RAPGEF1: variants seen among roughly 807,000 people sequenced by gnomAD.
The protein encoded by RAPGEF1 is Rap guanine nucleotide exchange factor 1, also known as CRK SH3-binding GNRP.
In RAPGEF1, 33 loss-of-function variants were observed where a neutral mutation model predicts 143.3. The ratio of observed to expected loss-of-function variants is 0.23; its 90% CI spans 0.17 to 0.31. The LOEUF is 0.31. RAPGEF1 is among the 10% of genes least tolerant of loss of function. The pLI is 1.00. For synonymous variants in RAPGEF1, 629 were observed against 676.5 expected (o/e 0.93, Z 1.09); for missense variants, 1,199 against 1,645.4 (o/e 0.73, Z 4.69).
chr9:131,685,511 G>C (rs1247306827), intron 1 of RAPGEF1, among the ~76,000 whole-genome samples: 1 of 152,198 alleles, frequency 6.6e-6, no homozygotes, highest in Non-Finnish European at 1.5e-5. Context: ...TAACATGAGC[G>C]ATCTGTGCCA....
intron 5 of RAPGEF1, among the ~76,000 whole-genome samples, chr9:131,636,299 A>C (rs534118063): frequency 6.6e-6 from 1 of 152,390 alleles, no homozygotes; most frequent in South Asian, 2.1e-4. Flanking sequence ...TGAATAAATG[A>C]AACAAAACTG....
intron 9 of RAPGEF1, among the ~76,000 whole-genome samples, chr9:131,626,679 G>A (rs11790737): frequency 0.21 from 31,972 of 151,624 alleles, 4,116 homozygotes; most frequent in Non-Finnish European, 0.29. Flanking sequence ...CAACCATTAC[G>A]GAAACTGTGG....
chr9:131,697,782 C>T (rs1834302790), intron 1 of RAPGEF1, among the ~76,000 whole-genome samples: 2 of 152,204 alleles, frequency 1.3e-5, no homozygotes, highest in African/African-American at 4.8e-5. Context: ...ATTTTGGATT[C>T]TGCTCTTGGA....
Position 131,584,612 on chromosome 9 carries a change from G to C in RAPGEF1, c.3234-16C>G. The C allele has an allele frequency of 6.2e-7, 1 of 1,613,436 alleles. No individual in the cohort carries two copies. ...GGACCGGACCCTGCATGGACCAAGG[G>C]AAAAAGAAACAGCTGAGTTGACAAG... On this transcript the variant is annotated splice_polypyrimidine_tract_variant and intron_variant, in intron 22 of 26. Coordinates refer to ENST00000683357, the MANE Select transcript of RAPGEF1 (RefSeq NM_001377935.1). This position sits in a 1 kb window ranked among gnomAD's most constrained non-coding sequence, Gnocchi z 6.8.
intron 16 of RAPGEF1, 99 bp from the exon 17 acceptor site, chr9:131,596,472 G>A: frequency 8.5e-7 from 1 of 1,182,016 alleles, no homozygotes; most frequent in Non-Finnish European, 1.2e-6. Context: ...AAAATGCCCT[G>A]CAACCCCAAG....
rs559329923 is a variant in RAPGEF1, at chr9:131,611,861, A to C, written c.2062-6673T>G. 6.5e-4 allele frequency among the ~76,000 whole-genome samples: 99 copies of C among 152,302 alleles called. 2 individuals carry two copies. In the South Asian group the frequency reaches 0.019, roughly 29 times the overall value. ...GATCTCAAAATTTATTTGGCAATTA[A>C]GCAGTTCAAAAATGGGCAATTAAGC... On this transcript the variant is annotated intron_variant, in intron 12 of 26. Transcript: ENST00000683357.
Position 131,628,454 on chromosome 9 carries a change from T to C in RAPGEF1, c.1017+95A>G. 6.6e-7 allele frequency: 1 copy of C among 1,506,742 alleles called. No individual in the cohort carries two copies. 93.3% of individuals were successfully genotyped at this position (1,506,742 alleles called of 1,614,324 possible). ...CCTCGATGTGACAAACACCAGCGCC[T>C]GAAGACCATGGGTTTCTTTCAGCTT... On this transcript the variant is annotated intron_variant, in intron 8 of 26. Transcript: ENST00000683357. The surrounding 1 kb of genome is among the most constrained non-coding windows in gnomAD (Gnocchi z 5.7).
intron 1 of RAPGEF1, among the ~76,000 whole-genome samples, chr9:131,690,916 G>A (rs1415995210): frequency 6.6e-6 from 1 of 152,218 alleles, no homozygotes; most frequent in Non-Finnish European, 1.5e-5. Context: ...TCTGATGCTT[G>A]TCTCAATGCT....
At chr9:131,615,834 C>T (rs1404917461) in intron 12 of RAPGEF1, among the ~76,000 whole-genome samples, 27 of 152,156 alleles carry the variant, frequency 1.8e-4, no homozygotes, top group Non-Finnish European at 2.9e-5. Flanking sequence ...CCAGCCCCCA[C>T]GACCCTGTCC....
chr9:131,688,817 G>C (rs557618997), intron 1 of RAPGEF1, among the ~76,000 whole-genome samples: 62 of 152,318 alleles, frequency 4.1e-4, no homozygotes, highest in Non-Finnish European at 7.2e-4. Flanking sequence ...AGAATCACTC[G>C]AACCCGGGAG....
At chr9:131,586,663 CA>C (rs1588191123) in intron 22 of RAPGEF1, among the ~76,000 whole-genome samples, 3 of 135,450 alleles carry the variant, frequency 2.2e-5, no homozygotes, top group East Asian at 2.1e-4. Context: ...CACACACACA[CA>C]CACACCCCTG....
chr9:131,720,129 G>A (rs913351344), intron 1 of RAPGEF1, among the ~76,000 whole-genome samples: 6 of 151,982 alleles, frequency 3.9e-5, no homozygotes, highest in Admixed American at 3.3e-4. Flanking sequence ...CAGGTGATCC[G>A]CCCACCTTGG....
chr9:131,721,419 T>C (rs1836256494), intron 1 of RAPGEF1, among the ~76,000 whole-genome samples: 1 of 151,990 alleles, frequency 6.6e-6, no homozygotes, highest in African/African-American at 2.4e-5. Flanking sequence ...AGAAGAGAGG[T>C]GCATTGACAA....
At chr9:131,625,354 A>G (rs1962643343) in intron 10 of RAPGEF1, among the ~76,000 whole-genome samples, 1 of 152,214 alleles carries the variant, frequency 6.6e-6, no homozygotes, top group Admixed American at 6.5e-5. Context: ...AAAATATTCA[A>G]AACTTCAGCT....
At chr9:131,736,467 C>A (rs766351518) in intron 1 of RAPGEF1, among the ~76,000 whole-genome samples, 53 of 152,348 alleles carry the variant, frequency 3.5e-4, no homozygotes, top group Middle Eastern at 3.4e-3. Context: ...AGGCCTATGA[C>A]CTTGTGTATT....
chr9:131,630,391 G>GC, intron 5 of RAPGEF1, 67 bp from the exon 6 acceptor site: 1 of 1,502,622 alleles, frequency 6.7e-7, no homozygotes, highest in Admixed American at 1.7e-5. Context: ...CAGAAGGCAG[G>GC]CAGGTGCTGT....
In RAPGEF1 at chr9:131,632,349, G is replaced by A. The variant is rs372606798; in HGVS notation, c.652-2025C>T. Among the ~76,000 whole-genome samples, 98 of 145,548 alleles carry A rather than the reference G, an allele frequency of 6.7e-4. 1 individual carries two copies. The highest frequency in any genetic ancestry group is 2.8e-3 in the East Asian group (14 of 5,022). ...AGAGACGGGGTTTCACCGTGGTCTC[G>A]ATCTCCTGACCTCGTGATCCGCCCG... On this transcript the variant is annotated intron_variant, in intron 5 of 26. Transcript: ENST00000683357.
At chr9:131,612,343 G>A (rs1958150387) in intron 12 of RAPGEF1, among the ~76,000 whole-genome samples, 1 of 152,204 alleles carries the variant, frequency 6.6e-6, no homozygotes, top group African/African-American at 2.4e-5. Flanking sequence ...GCCTGAAGCT[G>A]GTCAAGGGGC....
At chr9:131,658,541 A>T (rs931066325) in intron 1 of RAPGEF1, among the ~76,000 whole-genome samples, 1 of 152,176 alleles carries the variant, frequency 6.6e-6, no homozygotes, top group Non-Finnish European at 1.5e-5. Context: ...GGCTTATATG[A>T]GCTTACAAAC....
Sources: allele counts gnomAD v4.1 joint callset (sites outside exome capture counted in the v4.1 genomes callset), GRCh38; gene constraint gnomAD v4.1.1; non-coding constraint Gnocchi (gnomAD v3.1); transcripts MANE v1.5; gene names NCBI Gene and HGNC (gene_info 2026-07-23, HGNC 2026-07-21).